Variants in LRP1B observed in about 807,000 individuals in gnomAD.
LRP1B encodes low-density lipoprotein receptor-related protein 1B.
In LRP1B, 217 loss-of-function variants were observed where a neutral mutation model predicts 556.6. That is an observed-to-expected ratio of 0.39 (90% CI 0.35 to 0.44). The LOEUF (loss-of-function observed/expected upper bound fraction) is 0.44. LRP1B is among the 20% of genes least tolerant of loss of function. The pLI is 1.00. For missense variants in LRP1B, 5,053 were observed against 5,620.8 expected, an observed-to-expected ratio of 0.90 and a Z score of 3.23; for synonymous variants, 2,047 against 1,865.8, an observed-to-expected ratio of 1.10 and a Z score of -2.50.
chr2:141,676,547 C>A (rs1690888480), intron 2 of LRP1B, among the ~76,000 whole-genome samples: 1 of 152,132 alleles, frequency 6.6e-6, no homozygotes, highest in Non-Finnish European at 1.5e-5. Flanking sequence ...TTAATTATAG[C>A]TTTTATCATC....
In LRP1B at chr2:141,397,972, T is replaced by G. The variant is rs911704276; in HGVS notation, c.343+82424A>C. On this transcript the variant is annotated intron_variant, in intron 3 of 90. Coordinates refer to ENST00000389484, the MANE Select transcript of LRP1B (RefSeq NM_018557.3). ...AGTTTAATGTCTAGATGGGAAAGTA[T>G]ATACATAGACCTATACTTTCACTTC... is the stretch of plus-strand genomic sequence containing the variant. 3.4e-4 allele frequency among the ~76,000 whole-genome samples: 51 copies of G among 152,138 alleles called. 1 individual carries two copies. Among genetic ancestry groups the G allele is most frequent in the Non-Finnish European group, 4.4e-5 (3 of 67,960 alleles).
intron 31 of LRP1B, among the ~76,000 whole-genome samples, chr2:140,838,814 AG>A (rs1302543190): frequency 1.3e-5 from 2 of 152,180 alleles, no homozygotes; most frequent in Non-Finnish European, 2.9e-5. Context: ...TGCTTCTCAA[AG>A]GTATGAAAGA....
intron 35 of LRP1B, among the ~76,000 whole-genome samples, chr2:140,748,321 A>ATT: frequency 7.8e-6 from 1 of 128,772 alleles, no homozygotes; most frequent in East Asian, 2.7e-4. Flanking sequence ...ATTCATATAT[A>ATT]ATATATATTA....
chr2:140,852,411 T>C (rs553176687), intron 27 of LRP1B, among the ~76,000 whole-genome samples: 1 of 152,326 alleles, frequency 6.6e-6, no homozygotes, highest in African/African-American at 2.4e-5. Context: ...GAATTTAATA[T>C]AAAATAAACT....
chr2:141,408,932 G>C (rs913275977), intron 3 of LRP1B, among the ~76,000 whole-genome samples: 1 of 151,948 alleles, frequency 6.6e-6, no homozygotes, highest in African/African-American at 2.4e-5. Flanking sequence ...CTCTTCTTCC[G>C]CATATATAGC....
chr2:140,441,797 C>T (rs1190276422), intron 66 of LRP1B, among the ~76,000 whole-genome samples: 4 of 152,072 alleles, frequency 2.6e-5, no homozygotes, highest in Non-Finnish European at 4.4e-5. Context: ...TATTTGTCTA[C>T]AGAACAGGCT....
intron 30 of LRP1B, 25 bp downstream of exon 30, chr2:140,840,893 C>T (rs753888434): frequency 3.6e-6 from 5 of 1,405,684 alleles, no homozygotes; most frequent in African/African-American, 5.6e-5. Context: ...TTTGGAAAAA[C>T]TTTAAAAAAA....
intron 46 of LRP1B, among the ~76,000 whole-genome samples, chr2:140,534,407 C>A (rs1690857689): frequency 6.6e-6 from 1 of 152,128 alleles, no homozygotes; most frequent in Non-Finnish European, 1.5e-5. Context: ...TTGTTTCTGG[C>A]ACTTCTGTCA....
At chr2:141,534,424 T>C (rs879604679) in intron 2 of LRP1B, among the ~76,000 whole-genome samples, 10 of 152,150 alleles carry the variant, frequency 6.6e-5, no homozygotes, top group Non-Finnish European at 1.5e-4. Flanking sequence ...TCATTTTTAC[T>C]CTTTTAAAGG....
intron 18 of LRP1B, among the ~76,000 whole-genome samples, chr2:140,957,988 C>A (rs1156349829): frequency 6.6e-6 from 1 of 151,456 alleles, no homozygotes; most frequent in Admixed American, 6.6e-5. Context: ...TCCTGTAATT[C>A]AGAAATCTTA....
intron 43 of LRP1B, among the ~76,000 whole-genome samples, chr2:140,550,255 G>A (rs959367845): frequency 2.6e-5 from 4 of 151,996 alleles, no homozygotes; most frequent in Admixed American, 6.6e-5. Flanking sequence ...TTTTCTAAGC[G>A]CTTCACTTCA....
intron 1 of LRP1B, among the ~76,000 whole-genome samples, chr2:141,949,959 C>A (rs1449590028): frequency 6.6e-6 from 1 of 152,052 alleles, no homozygotes; most frequent in African/African-American, 2.4e-5. Context: ...TGGAATTCAG[C>A]AAATTCAAGG....
At chr2:141,810,456 C>G (rs752768349) in intron 1 of LRP1B, 55 bp from the exon 2 acceptor site, 1 of 1,579,802 alleles carries the variant, frequency 6.3e-7, no homozygotes. Context: ...ATGGGCAGAA[C>G]GAGCAGTACA....
chr2:141,951,590 T>A (rs2105034542), intron 1 of LRP1B, among the ~76,000 whole-genome samples: 1 of 152,304 alleles, frequency 6.6e-6, no homozygotes, highest in African/African-American at 2.4e-5. Flanking sequence ...GAACTAAGGA[T>A]GAATTAAGAG....
intron 37 of LRP1B, among the ~76,000 whole-genome samples, chr2:140,707,926 T>C (rs1272555157): frequency 6.6e-6 from 1 of 152,116 alleles, no homozygotes; most frequent in Non-Finnish European, 1.5e-5. Flanking sequence ...ACTGCACTTT[T>C]CAAATTTTTT....
intron 2 of LRP1B, among the ~76,000 whole-genome samples, chr2:141,639,363 CATATATATATAT>C (rs775633233): frequency 0.016 from 1,056 of 65,212 alleles, 16 homozygotes; most frequent in Non-Finnish European, 0.025. Flanking sequence ...CACACACACA[CATATATATATAT>C]ACACATATAT....
intron 23 of LRP1B, among the ~76,000 whole-genome samples, chr2:140,902,400 T>C (rs1342458832): frequency 2.0e-5 from 3 of 152,126 alleles, no homozygotes; most frequent in African/African-American, 7.2e-5. Flanking sequence ...CTGCCTAGGG[T>C]CACATAAAGA....
intron 1 of LRP1B, among the ~76,000 whole-genome samples, chr2:141,861,542 C>T (rs1574438479): frequency 6.6e-6 from 1 of 152,158 alleles, no homozygotes; most frequent in African/African-American, 2.4e-5. Context: ...TGTAGGCACT[C>T]AAAAATTGCC....
chr2:141,472,650 TA>T (rs1391859550), intron 3 of LRP1B, among the ~76,000 whole-genome samples: 2 of 152,164 alleles, frequency 1.3e-5, no homozygotes, highest in Non-Finnish European at 2.9e-5. Flanking sequence ...AAAGCTGTGA[TA>T]AAAAATTATA....
Sources: gnomAD v4.1 joint callset for allele counts (sites outside exome capture counted in the v4.1 genomes callset) on GRCh38, gnomAD v4.1.1 for gene constraint, MANE v1.5 for transcripts, NCBI Gene and HGNC (gene_info 2026-07-23, HGNC 2026-07-21) for gene names.